Variants in CDH12 observed in about 807,000 individuals in gnomAD.
The protein encoded by CDH12 is cadherin-12.
CDH12 carries 41 observed loss-of-function variants against 74.1 expected under a neutral mutation model. The observed-to-expected ratio is 0.55, with a 90% CI of 0.43 to 0.72. The LOEUF is 0.72. Ranked by LOEUF, CDH12 falls within the 30% of genes least tolerant of loss-of-function variation. The pLI is 0.00. For synonymous variants in CDH12, 399 were observed against 355.0 expected (o/e 1.12, Z -1.39); for missense variants, 945 against 977.2 (o/e 0.97, Z 0.44).
intron 3 of CDH12, among the ~76,000 whole-genome samples, chr5:22,397,309 G>A (rs1414004805): frequency 6.6e-6 from 1 of 152,068 alleles, no homozygotes; most frequent in East Asian, 1.9e-4. Flanking sequence ...AGATGAAAAA[G>A]AATGTCTGTC....
At chr5:22,108,667 C>T (rs1261390955) in intron 4 of CDH12, among the ~76,000 whole-genome samples, 1 of 152,204 alleles carries the variant, frequency 6.6e-6, no homozygotes, top group African/African-American at 2.4e-5. Flanking sequence ...AGGAACTCAT[C>T]ATATGGGCAA....
chr5:22,723,166 C>T (rs539648866), intron 1 of CDH12, among the ~76,000 whole-genome samples: 4 of 152,166 alleles, frequency 2.6e-5, no homozygotes, highest in Middle Eastern at 3.4e-3. Context: ...CTTACAAATG[C>T]AAGGCATGCT....
chr5:21,953,357 T>C (rs1187635420), intron 6 of CDH12, among the ~76,000 whole-genome samples: 3 of 152,212 alleles, frequency 2.0e-5, no homozygotes, highest in African/African-American at 7.2e-5. Context: ...CCTTGGAATG[T>C]ATAAAAACAA....
At chr5:22,208,812 C>T (rs1328139195) in intron 4 of CDH12, among the ~76,000 whole-genome samples, 1 of 152,114 alleles carries the variant, frequency 6.6e-6, no homozygotes, top group Admixed American at 6.5e-5. Context: ...ATTACAAGCT[C>T]TTCTACAATA....
At chr5:22,471,216 G>A (rs563911214) in intron 2 of CDH12, among the ~76,000 whole-genome samples, 1 of 152,260 alleles carries the variant, frequency 6.6e-6, no homozygotes. Flanking sequence ...AGGTATGAAT[G>A]TTCTCCTAAC....
chr5:21,780,635 C>A (rs1745854601), intron 11 of CDH12, among the ~76,000 whole-genome samples: 1 of 152,116 alleles, frequency 6.6e-6, no homozygotes, highest in Non-Finnish European at 1.5e-5. Flanking sequence ...TTATGGACAA[C>A]ATGTTTATGA....
At chr5:22,568,327 T>C (rs1344512240) in intron 1 of CDH12, among the ~76,000 whole-genome samples, 1 of 152,132 alleles carries the variant, frequency 6.6e-6, no homozygotes, top group Non-Finnish European at 1.5e-5. Flanking sequence ...TTATTTAAAA[T>C]AAATAAATGA....
intron 1 of CDH12, among the ~76,000 whole-genome samples, chr5:22,736,285 T>G (rs1330917166): frequency 6.6e-6 from 1 of 151,834 alleles, no homozygotes; most frequent in Non-Finnish European, 1.5e-5. Context: ...TATTTTAGTA[T>G]AATTACATAA....
chr5:22,688,569 T>A (rs1158014119), intron 1 of CDH12, among the ~76,000 whole-genome samples: 1 of 152,186 alleles, frequency 6.6e-6, no homozygotes, highest in African/African-American at 2.4e-5. Context: ...CTGTAACGAA[T>A]AATACCATCT....
chr5:22,114,406 T>C (rs1744977051), intron 4 of CDH12, among the ~76,000 whole-genome samples: 1 of 150,030 alleles, frequency 6.7e-6, no homozygotes. Context: ...CCTTGATGAT[T>C]CCTTTAGAGT....
At chr5:22,109,141 G>C (rs1394113351) in intron 4 of CDH12, among the ~76,000 whole-genome samples, 1 of 152,116 alleles carries the variant, frequency 6.6e-6, no homozygotes, top group Non-Finnish European at 1.5e-5. Flanking sequence ...ATTTGGGGGA[G>C]ACAATTTTCC....
Position 22,297,819 on chromosome 5 carries a change from C to G in CDH12, c.-332-85176G>C, listed in dbSNP as rs1737697065. The stretch of plus-strand genomic sequence containing the variant: ...ATTGCTTATCTTTAAATTCTGAACT[C>G]CATCTTTTATTCCAATGGAAGGTGT... On this transcript the variant is annotated intron_variant, in intron 3 of 14. Transcript: ENST00000382254. Among the ~76,000 whole-genome samples, 3 of 151,982 alleles carry G rather than the reference C, an allele frequency of 2.0e-5. No homozygotes were observed. The South Asian group carries it at 6.2e-4, about 31-fold the overall frequency.
intron 1 of CDH12, among the ~76,000 whole-genome samples, chr5:22,696,274 G>T (rs1171782845): frequency 4.0e-5 from 6 of 151,088 alleles, no homozygotes; most frequent in African/African-American, 1.5e-4. Context: ...AGGAGGCTAA[G>T]GCAGGAGAAT....
At chr5:22,058,660 A>C (rs1257453411) in intron 5 of CDH12, among the ~76,000 whole-genome samples, 4 of 150,464 alleles carry the variant, frequency 2.7e-5, no homozygotes, top group Non-Finnish European at 5.9e-5. Flanking sequence ...GAAGGAAGAG[A>C]GGAAGGAAAG....
intron 6 of CDH12, among the ~76,000 whole-genome samples, chr5:21,894,243 G>C (rs1450501299): frequency 2.0e-5 from 3 of 151,998 alleles, no homozygotes; most frequent in Admixed American, 6.6e-5. Context: ...GCCAGGCATG[G>C]TGGCATGAGC....
chr5:22,231,931 C>T (rs1342776830), intron 3 of CDH12, among the ~76,000 whole-genome samples: 3 of 151,864 alleles, frequency 2.0e-5, no homozygotes, highest in Non-Finnish European at 4.4e-5. Flanking sequence ...AAGAAACAGA[C>T]ACATTTCTTG....
chr5:22,742,019 A>G (rs1399984832), intron 1 of CDH12, among the ~76,000 whole-genome samples: 1 of 152,088 alleles, frequency 6.6e-6, no homozygotes, highest in Non-Finnish European at 1.5e-5. Context: ...TGTCTCTACT[A>G]AAAATACAAA....
chr5:22,442,574 T>C (rs1744669901), intron 2 of CDH12, among the ~76,000 whole-genome samples: 1 of 152,220 alleles, frequency 6.6e-6, no homozygotes, highest in Non-Finnish European at 1.5e-5. Context: ...CTTATATTCA[T>C]GTCACATTGT....
At chr5:21,982,751 A>G (rs1561346878) in intron 5 of CDH12, among the ~76,000 whole-genome samples, 1 of 152,026 alleles carries the variant, frequency 6.6e-6, no homozygotes. Context: ...TAAAACATTA[A>G]AAAAAGGAGA....
Sources: allele counts gnomAD v4.1 joint callset (sites outside exome capture counted in the v4.1 genomes callset), GRCh38; gene constraint gnomAD v4.1.1; transcripts MANE v1.5; gene names NCBI Gene and HGNC (gene_info 2026-07-23, HGNC 2026-07-21).